Variants in CSGALNACT2 observed in about 807,000 individuals in gnomAD.
The protein encoded by CSGALNACT2 is chondroitin sulfate N-acetylgalactosaminyltransferase 2.
In CSGALNACT2, 35 loss-of-function variants were observed where a neutral mutation model predicts 55.3. The observed-to-expected ratio is 0.63, with a 90% CI of 0.48 to 0.84. The LOEUF is 0.84. Among genes scored for constraint, CSGALNACT2 ranks in the 40% least tolerant of loss-of-function variants. CSGALNACT2 has a pLI of 0.00. For missense variants in CSGALNACT2, 544 were observed against 657.5 expected (o/e 0.83, Z 1.89); for synonymous variants, 196 against 224.9 (o/e 0.87, Z 1.15).
intron 1 of CSGALNACT2, among the ~76,000 whole-genome samples, chr10:43,139,266 G>T (rs1838565771): frequency 6.6e-6 from 1 of 152,174 alleles, no homozygotes; most frequent in African/African-American, 2.4e-5. Context: ...GTTGTTTTTT[G>T]AATGTTGTAT....
intron 6 of CSGALNACT2, among the ~76,000 whole-genome samples, chr10:43,175,650 G>A (rs1205651367): frequency 2.0e-5 from 3 of 152,210 alleles, no homozygotes; most frequent in African/African-American, 7.2e-5. Flanking sequence ...AAAGTCTACT[G>A]TGTAAGGTTG....
chr10:43,172,045 G>A (rs1456856068), intron 6 of CSGALNACT2, among the ~76,000 whole-genome samples: 1 of 152,138 alleles, frequency 6.6e-6, no homozygotes. Flanking sequence ...CTCCTCCGTC[G>A]CTTCTGTTGG....
At chr10:43,141,339 T>C (rs1264241285) in intron 1 of CSGALNACT2, among the ~76,000 whole-genome samples, 1 of 151,938 alleles carries the variant, frequency 6.6e-6, no homozygotes, top group Non-Finnish European at 1.5e-5. Flanking sequence ...TGCCTCAGCC[T>C]CCCGAGTAGC....
intron 7 of CSGALNACT2, among the ~76,000 whole-genome samples, chr10:43,177,770 T>G (rs1839509288): frequency 6.6e-6 from 1 of 152,266 alleles, no homozygotes; most frequent in South Asian, 2.1e-4. Flanking sequence ...TTCAATTCTC[T>G]TGGACATATG....
Position 43,160,608 on chromosome 10 carries a change from C to G in CSGALNACT2, c.980+13C>G. 8.6e-7 allele frequency: 1 copy of G among 1,158,210 alleles called. No individual in the cohort carries two copies. Among genetic ancestry groups the G allele is most frequent in the African/African-American group, 1.5e-5 (1 of 66,232 alleles). The allele number at this position is 1,158,210 out of a possible 1,614,324, so 71.7% of individuals were successfully genotyped here. ...AATCTGTCACCAGGTTGGTGAACCA[C>G]ATCTGCAGTGAAGGCCTTGATATAT... On this transcript the variant is annotated intron_variant, in intron 4 of 7. Transcript: ENST00000374466.
In CSGALNACT2 at chr10:43,155,392, A is replaced by G. The variant is rs150062393; in HGVS notation, c.243A>G (p.Gln81=). The part of the protein sequence containing the change: ...RATSLKRQIA[Q]LKQELQEMSE... ...CCAGTCTGAAACGCCAAATTGCCCA[A>G]CTAAAACAAGAATTACAAGAAATGA... The change falls in exon 2 of 8, where the codon CAA becomes CAG. Residue 81 remains glutamine, a synonymous_variant. Transcript: ENST00000374466. 5.5e-5 allele frequency: 88 copies of G among 1,614,214 alleles called. 1 individual carries two copies. The African/African-American group carries it at 9.9e-4, about 18-fold the overall frequency.
At position 43,175,971 on chromosome 10, in the gene CSGALNACT2, C is replaced by A; in HGVS notation, c.1275C>A (p.Gly425=). ...CTAAGGTTCACAAAAAGGATTCTGG[C>A]TTTTGGCGAGATTTTGGCTTTGGAA... ...EQQLVHKKDS[G]FWRDFGFGMT... The change falls in exon 7 of 8, where the codon GGC becomes GGA. Residue 425 remains glycine, a synonymous_variant. Coordinates refer to ENST00000374466, the MANE Select transcript of CSGALNACT2 (RefSeq NM_018590.5). 1 of 1,604,258 alleles carries A rather than the reference C, an allele frequency of 6.2e-7. No individual in the cohort carries two copies. Among genetic ancestry groups the A allele is most frequent in the Non-Finnish European group, 8.5e-7 (1 of 1,177,074 alleles).
chr10:43,178,354 G>A (rs762223083), intron 7 of CSGALNACT2, among the ~76,000 whole-genome samples: 9 of 152,214 alleles, frequency 5.9e-5, no homozygotes, highest in Non-Finnish European at 1.0e-4. Flanking sequence ...CAGGCACGGT[G>A]GCTCACGCCT....
chr10:43,146,609 A>G (rs902976230), intron 1 of CSGALNACT2, among the ~76,000 whole-genome samples: 1 of 152,156 alleles, frequency 6.6e-6, no homozygotes. Flanking sequence ...TCCCACTTGT[A>G]GCCCCAGATA....
At position 43,143,439 on chromosome 10, in the gene CSGALNACT2, G is replaced by T. The variant is rs1838674896; in HGVS notation, c.-254+4872G>T. ...AGTATAGAATCAGGAAAGTGGAATT[G>T]TGAATTGCTGGATTAAACGGCCTGT... On this transcript the variant is annotated intron_variant, in intron 1 of 7. Transcript: ENST00000374466. Among the ~76,000 whole-genome samples, 3 of 151,848 alleles carry T rather than the reference G, an allele frequency of 2.0e-5. 1 individual carries two copies. The South Asian group carries it at 6.2e-4, about 31-fold the overall frequency.
chr10:43,140,899 C>T (rs1251773278), intron 1 of CSGALNACT2, among the ~76,000 whole-genome samples: 1 of 152,174 alleles, frequency 6.6e-6, no homozygotes. Flanking sequence ...AAATCGGTAG[C>T]ATCTAAGAGA....
At chr10:43,142,352 C>T (rs1838647110) in intron 1 of CSGALNACT2, among the ~76,000 whole-genome samples, 1 of 152,174 alleles carries the variant, frequency 6.6e-6, no homozygotes, top group African/African-American at 2.4e-5. Flanking sequence ...GCTGGGATTA[C>T]AGGTGCATGC....
At chr10:43,176,160 A>C in intron 7 of CSGALNACT2, 128 bp downstream of exon 7, 1 of 612,808 alleles carries the variant, frequency 1.6e-6, no homozygotes, top group African/African-American at 1.9e-5. Flanking sequence ...TAAAAAGAGA[A>C]ACTGGATATA....
rs1029017375 is a variant in CSGALNACT2 at position 43,167,767 on chromosome 10, C to T, written c.1254+669C>T. ...ATTACACCAGTTTTTCTACTAATGT[C>T]CTTTTTCTGTTTCAGAATCGAGTCG... is the stretch of plus-strand genomic sequence containing the variant. On this transcript the variant is annotated intron_variant, in intron 6 of 7. Coordinates refer to ENST00000374466, the MANE Select transcript of CSGALNACT2 (RefSeq NM_018590.5). Among the ~76,000 whole-genome samples the T allele has an allele frequency of 5.3e-5, 8 of 152,096 alleles. No homozygotes were observed. In the East Asian group the frequency reaches 5.8e-4, roughly 11 times the overall value.
chr10:43,157,144 C>T (rs1334612067), intron 2 of CSGALNACT2, among the ~76,000 whole-genome samples: 1 of 152,174 alleles, frequency 6.6e-6, no homozygotes, highest in Non-Finnish European at 1.5e-5. Flanking sequence ...GCAAGCTCAG[C>T]TTTTTGTCTT....
chr10:43,144,869 A>AT (rs1199711200), intron 1 of CSGALNACT2, among the ~76,000 whole-genome samples: 2 of 152,118 alleles, frequency 1.3e-5, no homozygotes, highest in Non-Finnish European at 2.9e-5. Context: ...ATTACCTTGC[A>AT]TTTTCTAAAA....
At chr10:43,164,067 A>G (rs371755402) in intron 5 of CSGALNACT2, 23 bp downstream of exon 5, 1 of 1,592,778 alleles carries the variant, frequency 6.3e-7, no homozygotes, top group Non-Finnish European at 8.6e-7. Flanking sequence ...TTGGTAGATG[A>G]GCTGACTATA....
At chr10:43,147,322 C>T (rs1298179577) in intron 1 of CSGALNACT2, among the ~76,000 whole-genome samples, 1 of 130,406 alleles carries the variant, frequency 7.7e-6, no homozygotes, top group African/African-American at 3.1e-5. Context: ...CCTTTTCCCA[C>T]ATTTTAATTG....
At chr10:43,156,184 A>G (rs969289294) in intron 2 of CSGALNACT2, among the ~76,000 whole-genome samples, 1 of 152,210 alleles carries the variant, frequency 6.6e-6, no homozygotes, top group African/African-American at 2.4e-5. Context: ...AAACTTGAAA[A>G]CCATTTGATA....
Sources: allele counts gnomAD v4.1 joint callset (sites outside exome capture counted in the v4.1 genomes callset), GRCh38; gene constraint gnomAD v4.1.1; transcripts MANE v1.5; gene names NCBI Gene and HGNC (gene_info 2026-07-23, HGNC 2026-07-21).